The following ATP2B2 variants were observed in gnomAD, a reference collection of about 807,000 sequenced individuals.
ATP2B2 encodes the protein ATPase plasma membrane Ca2+ transporting 2.
In ATP2B2, 15 loss-of-function variants were observed where a neutral mutation model predicts 120.0. The observed-to-expected ratio is 0.12, with a 90% CI of 0.08 to 0.19. The LOEUF (loss-of-function observed/expected upper bound fraction) is 0.19. Ranked by LOEUF, ATP2B2 falls within the 10% of genes least tolerant of loss-of-function variation. ATP2B2 has a pLI of 1.00. For missense variants in ATP2B2, 1,045 were observed against 1,719.8 expected (o/e 0.61, Z 6.94); for synonymous variants, 694 against 700.3 (o/e 0.99, Z 0.14).
At chr3:10,621,394 G>A (rs1453528020) in intron 1 of ATP2B2, among the ~76,000 whole-genome samples, 1 of 152,186 alleles carries the variant, frequency 6.6e-6, no homozygotes, top group Non-Finnish European at 1.5e-5. Context: ...ATCTTTTCTG[G>A]GAAAAACACG....
rs1044578348 is a variant in ATP2B2 at position 10,345,374 on chromosome 3, G to A, written c.2703+10C>T. 1.3e-5 allele frequency: 21 copies of A among 1,613,960 alleles called. No homozygotes were observed. The highest frequency in any genetic ancestry group is 1.1e-5 in the Non-Finnish European group (13 of 1,179,994). On this transcript the variant is annotated intron_variant, in intron 18 of 22. Transcript: ENST00000360273. ...CCCCCAGGCTTTGGTGTGGTCTCCT[G>A]CGGACCCACCTGCGTGATGCAGGCG... is the stretch of plus-strand genomic sequence containing the variant.
intron 11 of ATP2B2, among the ~76,000 whole-genome samples, chr3:10,374,486 G>A (rs1170152871): frequency 6.6e-6 from 1 of 152,240 alleles, no homozygotes; most frequent in Non-Finnish European, 1.5e-5. Context: ...GCCCTCTGGA[G>A]GCTCTGCCAA....
intron 5 of ATP2B2, among the ~76,000 whole-genome samples, chr3:10,399,698 T>G (rs963872661): frequency 1.3e-5 from 2 of 152,236 alleles, no homozygotes; most frequent in Admixed American, 6.5e-5. Flanking sequence ...CCTACCATCC[T>G]GTCCTGCAGA....
At chr3:10,338,526 CTTTTTTTTTTT>C (rs34558372) in intron 21 of ATP2B2, among the ~76,000 whole-genome samples, 168 bp from the exon 22 acceptor site, 10 of 88,480 alleles carry the variant, frequency 1.1e-4, no homozygotes, top group Non-Finnish European at 1.7e-4. Flanking sequence ...TTGACAATGT[CTTTTTTTTTTT>C]TTTTTTTTTT....
At chr3:10,573,502 C>A (rs1202127592) in intron 2 of ATP2B2, among the ~76,000 whole-genome samples, 1 of 152,162 alleles carries the variant, frequency 6.6e-6, no homozygotes. Context: ...GTTCCTGAAA[C>A]AAGAGGGTCT....
chr3:10,684,938 A>C (rs2071480917), intron 1 of ATP2B2, among the ~76,000 whole-genome samples: 2 of 152,214 alleles, frequency 1.3e-5, no homozygotes, highest in South Asian at 4.1e-4. Flanking sequence ...ATGGAGGTTC[A>C]GGTCAGAGGG....
chr3:10,510,397 A>C (rs917896872), upstream of ATP2B2, among the ~76,000 whole-genome samples: 1 of 152,260 alleles, frequency 6.6e-6, no homozygotes. Flanking sequence ...CAGAGTGAGT[A>C]GGGGAATTGG....
chr3:10,344,928 C>A (rs919295916), intron 18 of ATP2B2, among the ~76,000 whole-genome samples: 1 of 152,196 alleles, frequency 6.6e-6, no homozygotes, highest in African/African-American at 2.4e-5. Flanking sequence ...CTAGCACCTC[C>A]TAAGGCACTC....
At chr3:10,577,451 C>T (rs76249754) in intron 2 of ATP2B2, among the ~76,000 whole-genome samples, 3,486 of 152,304 alleles carry the variant, frequency 0.023, 68 homozygotes, top group Admixed American at 0.04. Context: ...TTTTGGTGTC[C>T]TCTTCCTCAG....
At chr3:10,338,824 C>T (rs1003130596) in intron 21 of ATP2B2, 6 of 211,548 alleles carry the variant, frequency 2.8e-5, no homozygotes, top group East Asian at 2.7e-4. Flanking sequence ...GAGCCTGGCC[C>T]GTGGCTGGCC....
intron 3 of ATP2B2, among the ~76,000 whole-genome samples, chr3:10,409,827 G>A (rs958136492): frequency 2.6e-4 from 39 of 152,108 alleles, no homozygotes; most frequent in Admixed American, 1.2e-3. Context: ...GTGTAGTAGG[G>A]TTATCTATTT....
chr3:10,664,947 A>C (rs762688672), intron 1 of ATP2B2, among the ~76,000 whole-genome samples: 1 of 152,186 alleles, frequency 6.6e-6, no homozygotes, highest in East Asian at 1.9e-4. Flanking sequence ...TCCATCACCA[A>C]TGTCAAAGGT....
chr3:10,473,259 A>G (rs2065080411), intron 1 of ATP2B2, among the ~76,000 whole-genome samples: 1 of 152,164 alleles, frequency 6.6e-6, no homozygotes, highest in Non-Finnish European at 1.5e-5. Context: ...ACAGTCATTT[A>G]ATGAGCACCT....
At chr3:10,423,834 A>G (rs1473552898) in intron 2 of ATP2B2, among the ~76,000 whole-genome samples, 1 of 152,112 alleles carries the variant, frequency 6.6e-6, no homozygotes, top group East Asian at 1.9e-4. Context: ...TTTATCCACA[A>G]ACTGGGGGAG....
At position 10,414,061 on chromosome 3, in the gene ATP2B2, T is replaced by G. The variant is rs567900454; in HGVS notation, c.200-3246A>C. Among the ~76,000 whole-genome samples the G allele has an allele frequency of 2.6e-5, 4 of 152,208 alleles. No individual in the cohort carries two copies. The South Asian group carries it at 8.3e-4, about 31-fold the overall frequency. On this transcript the variant is annotated intron_variant, in intron 2 of 22. Coordinates refer to ENST00000360273, the MANE Select transcript of ATP2B2 (RefSeq NM_001001331.4). ...TAGGTCCTGAGAATCCCAGGGGATC[T>G]GAGGTCTGCAGGCCCTGAAATGGTT...
intron 1 of ATP2B2, among the ~76,000 whole-genome samples, chr3:10,691,720 C>T (rs144527767): frequency 5.1e-4 from 78 of 152,328 alleles, no homozygotes; most frequent in African/African-American, 1.9e-3. Context: ...TTGAGCCCAG[C>T]GCTGAATGCC....
At chr3:10,703,402 T>A (rs780380123) in intron 1 of ATP2B2, among the ~76,000 whole-genome samples, 8 of 152,134 alleles carry the variant, frequency 5.3e-5, no homozygotes, top group Non-Finnish European at 8.8e-5. Context: ...ACCCTCACCC[T>A]CACATGAAGC....
chr3:10,615,312 C>G (rs2069355560), intron 2 of ATP2B2, among the ~76,000 whole-genome samples: 1 of 152,068 alleles, frequency 6.6e-6, no homozygotes, highest in Non-Finnish European at 1.5e-5. Context: ...ACCCAGTGGT[C>G]TAGGCAAGAC....
chr3:10,547,698 C>T (rs1485882370), intron 2 of ATP2B2, among the ~76,000 whole-genome samples: 1 of 152,124 alleles, frequency 6.6e-6, no homozygotes, highest in East Asian at 1.9e-4. Context: ...TGCATCTGTT[C>T]CATGAAAGTT....
Sources: allele counts gnomAD v4.1 joint callset (sites outside exome capture counted in the v4.1 genomes callset), GRCh38; gene constraint gnomAD v4.1.1; transcripts MANE v1.5; gene names NCBI Gene and HGNC (gene_info 2026-07-23, HGNC 2026-07-21).